Variants in COMMD1 observed in about 807,000 individuals in gnomAD.
The protein encoded by COMMD1 is COMM domain-containing protein 1.
COMMD1 carries 10 observed loss-of-function variants against 17.2 expected under a neutral mutation model. The ratio of observed to expected loss-of-function variants is 0.58; its 90% CI spans 0.36 to 0.99. The LOEUF is 0.99. Ranked by LOEUF, COMMD1 falls within the 50% of genes least tolerant of loss-of-function variation. The pLI, the probability that COMMD1 is intolerant of heterozygous loss-of-function variation, is 0.01. For missense variants in COMMD1, 270 were observed against 231.8 expected, an observed-to-expected ratio of 1.17 and a Z score of -1.07; for synonymous variants, 97 against 91.6, an observed-to-expected ratio of 1.06 and a Z score of -0.34.
intron 2 of COMMD1, among the ~76,000 whole-genome samples, chr2:62,120,855 T>C (rs966287330): frequency 6.6e-6 from 1 of 152,170 alleles, no homozygotes; most frequent in African/African-American, 2.4e-5. Flanking sequence ...CCCAAGTAGC[T>C]AGGACTACAG....
intron 2 of COMMD1, among the ~76,000 whole-genome samples, chr2:62,082,948 C>T (rs997574843): frequency 1.3e-5 from 2 of 152,078 alleles, no homozygotes; most frequent in East Asian, 3.9e-4. Context: ...TAGCATCTCT[C>T]ATTTTTAGGA....
intron 2 of COMMD1, among the ~76,000 whole-genome samples, chr2:62,082,884 T>TA (rs1324343968): frequency 2.0e-5 from 3 of 152,142 alleles, no homozygotes; most frequent in African/African-American, 4.8e-5. Flanking sequence ...CCATATACAG[T>TA]AAAAAAACAA....
chr2:61,978,329 A>C (rs1671861324), intron 1 of COMMD1, among the ~76,000 whole-genome samples: 1 of 152,148 alleles, frequency 6.6e-6, no homozygotes, highest in African/African-American at 2.4e-5. Context: ...GCCAACTTTA[A>C]ATACTCTTCA....
At chr2:62,112,157 C>G (rs151138920) in intron 2 of COMMD1, among the ~76,000 whole-genome samples, 19 of 152,152 alleles carry the variant, frequency 1.2e-4, no homozygotes, top group Non-Finnish European at 2.6e-4. Flanking sequence ...TCTTCATGGT[C>G]GAACCTGGCC....
chr2:62,020,333 G>T (rs1035295543), intron 2 of COMMD1, among the ~76,000 whole-genome samples: 7 of 152,192 alleles, frequency 4.6e-5, no homozygotes, highest in Non-Finnish European at 1.0e-4. Context: ...TAAAATACAG[G>T]TCTGGAAATA....
At chr2:61,930,188 G>C (rs989850855) in intron 1 of COMMD1, among the ~76,000 whole-genome samples, 6 of 152,240 alleles carry the variant, frequency 3.9e-5, no homozygotes, top group Admixed American at 1.3e-4. Context: ...AAGTGATCAG[G>C]ATTCTGCATT....
At chr2:61,950,440 TAGTC>T (rs1558533283) in intron 1 of COMMD1, among the ~76,000 whole-genome samples, 2 of 152,210 alleles carry the variant, frequency 1.3e-5, no homozygotes, top group Non-Finnish European at 2.9e-5. Context: ...ATTCACTCAA[TAGTC>T]AGAGATAAAA....
At chr2:62,135,005 G>A (rs1201890140) in intron 2 of COMMD1, among the ~76,000 whole-genome samples, 2 of 152,188 alleles carry the variant, frequency 1.3e-5, no homozygotes, top group Non-Finnish European at 2.9e-5. Context: ...ATCCAAGTTA[G>A]CTCACTTCCC....
chr2:61,888,430 G>A (rs577171461), upstream of COMMD1: 2 of 1,612,618 alleles, frequency 1.2e-6, no homozygotes, highest in South Asian at 1.1e-5. Flanking sequence ...GCTTGTCGCG[G>A]TCCTGATAGG....
At chr2:61,901,897 G>A (rs746067147), upstream of COMMD1, among the ~76,000 whole-genome samples, 3 of 151,964 alleles carry the variant, frequency 2.0e-5, no homozygotes. Context: ...ACAGTGGCAT[G>A]ATTTTGGCTC....
intron 1 of COMMD1, among the ~76,000 whole-genome samples, chr2:61,893,979 C>G (rs1669498760): frequency 6.6e-6 from 1 of 152,108 alleles, no homozygotes; most frequent in Non-Finnish European, 1.5e-5. Flanking sequence ...AAGAGAACAG[C>G]TTGAGCCCAG....
At chr2:61,911,098 T>A (rs1008738745) in intron 1 of COMMD1, among the ~76,000 whole-genome samples, 1 of 147,910 alleles carries the variant, frequency 6.8e-6, no homozygotes, top group Non-Finnish European at 1.5e-5. Flanking sequence ...AAAAAAAAAT[T>A]TTTTTTTTTA....
At chr2:62,075,690 A>G (rs1671319188) in intron 2 of COMMD1, among the ~76,000 whole-genome samples, 1 of 152,240 alleles carries the variant, frequency 6.6e-6, no homozygotes, top group Non-Finnish European at 1.5e-5. Flanking sequence ...CCCTGGCCCT[A>G]GACCTCTGGC....
chr2:62,131,569 G>T (rs1241164758), intron 2 of COMMD1, among the ~76,000 whole-genome samples: 1 of 151,404 alleles, frequency 6.6e-6, no homozygotes, highest in Non-Finnish European at 1.5e-5. Context: ...TTGAGACAGG[G>T]TCTTACTCTA....
At position 62,085,221 on chromosome 2, in the gene COMMD1, A is replaced by ATT. The variant is rs36006181; in HGVS notation, c.463-50597_463-50596dup. ...AACTATAAGGATTGTTACAGTTTGA[A>ATT]TTTTTTTTTTTTTTGAGACGGAGCC... is the stretch of plus-strand genomic sequence containing the variant. On this transcript the variant is annotated intron_variant, in intron 2 of 2. Transcript: ENST00000311832. Among the ~76,000 whole-genome samples the ATT allele has an allele frequency of 1.6e-3, 227 of 144,442 alleles. 1 individual carries two copies. The highest frequency in any genetic ancestry group is 5.4e-3 in the African/African-American group (213 of 39,172). 94.8% of individuals were successfully genotyped at this position (144,442 alleles called of 152,430 possible).
chr2:61,956,008 A>G (rs1671189453), intron 1 of COMMD1, among the ~76,000 whole-genome samples: 1 of 152,202 alleles, frequency 6.6e-6, no homozygotes, highest in South Asian at 2.1e-4. Context: ...GAATGAAAGA[A>G]TATTACTGTT....
upstream of COMMD1, chr2:61,905,577 C>T: frequency 8.0e-7 from 1 of 1,247,414 alleles, no homozygotes. Flanking sequence ...CTCCAGGTTC[C>T]CCGAGGTTCC....
chr2:61,968,611 C>T (rs1292383128), intron 1 of COMMD1, among the ~76,000 whole-genome samples: 1 of 152,002 alleles, frequency 6.6e-6, no homozygotes, highest in Non-Finnish European at 1.5e-5. Context: ...GGCTGGAGTC[C>T]CATGGTATAA....
intron 2 of COMMD1, among the ~76,000 whole-genome samples, chr2:62,108,242 G>T (rs1672369828): frequency 6.6e-6 from 1 of 152,158 alleles, no homozygotes; most frequent in Non-Finnish European, 1.5e-5. Flanking sequence ...CACAGGCAGA[G>T]AATTCTGCAC....
Sources: gnomAD v4.1 joint callset for allele counts (sites outside exome capture counted in the v4.1 genomes callset) on GRCh38, gnomAD v4.1.1 for gene constraint, MANE v1.5 for transcripts, NCBI Gene and HGNC (gene_info 2026-07-23, HGNC 2026-07-21) for gene names.